ADCY2: variants seen among roughly 807,000 people sequenced by gnomAD.
The protein encoded by ADCY2 is adenylate cyclase type 2.
A neutral mutation model predicts 125.2 loss-of-function variants in ADCY2; 31 were observed. The ratio of observed to expected loss-of-function variants is 0.25; its 90% confidence interval spans 0.19 to 0.33. The LOEUF (loss-of-function observed/expected upper bound fraction) is 0.33. Ranked by LOEUF, ADCY2 falls within the 10% of genes least tolerant of loss-of-function variation. The pLI is 1.00. For missense variants in ADCY2, 904 were observed against 1,418.2 expected, an observed-to-expected ratio of 0.64 and a Z score of 5.82; for synonymous variants, 512 against 548.4, an observed-to-expected ratio of 0.93 and a Z score of 0.93.
chr5:7,609,827 T>C (rs1376857590), intron 3 of ADCY2, among the ~76,000 whole-genome samples: 1 of 152,010 alleles, frequency 6.6e-6, no homozygotes, highest in Non-Finnish European at 1.5e-5. Context: ...CAGGAAGGCA[T>C]TAAGAGAGTG....
At chr5:7,666,645 T>A (rs1739766839) in intron 4 of ADCY2, among the ~76,000 whole-genome samples, 2 of 152,202 alleles carry the variant, frequency 1.3e-5, no homozygotes, top group Admixed American at 1.3e-4. Flanking sequence ...CAGCTGTGTA[T>A]AATGTCTGCA....
At chr5:7,643,324 G>C (rs551339677) in intron 4 of ADCY2, among the ~76,000 whole-genome samples, 1 of 151,934 alleles carries the variant, frequency 6.6e-6, no homozygotes, top group Non-Finnish European at 1.5e-5. Context: ...CTGTTGGGAC[G>C]TACATTTATC....
intron 4 of ADCY2, among the ~76,000 whole-genome samples, chr5:7,682,319 A>G (rs1465280254): frequency 6.6e-6 from 1 of 152,172 alleles, no homozygotes; most frequent in African/African-American, 2.4e-5. Flanking sequence ...CCGTTTTTTC[A>G]GTCAACAACC....
At chr5:7,461,773 G>A (rs1741926216) in intron 2 of ADCY2, among the ~76,000 whole-genome samples, 1 of 152,164 alleles carries the variant, frequency 6.6e-6, no homozygotes, top group African/African-American at 2.4e-5. Context: ...GATGAATGCT[G>A]GTTACACTGT....
chr5:7,431,998 C>A (rs1288454178), intron 2 of ADCY2, among the ~76,000 whole-genome samples: 1 of 151,990 alleles, frequency 6.6e-6, no homozygotes, highest in African/African-American at 2.4e-5. Context: ...CCACCCCTAT[C>A]CTGTGCCCCT....
At chr5:7,630,708 C>G (rs577844839) in intron 4 of ADCY2, among the ~76,000 whole-genome samples, 2 of 151,976 alleles carry the variant, frequency 1.3e-5, no homozygotes, top group African/African-American at 4.8e-5. Flanking sequence ...TCTTTGGCTC[C>G]TAGATCCTAG....
At chr5:7,806,508 G>C (rs139794648) in intron 22 of ADCY2, among the ~76,000 whole-genome samples, 3 of 152,206 alleles carry the variant, frequency 2.0e-5, no homozygotes, top group African/African-American at 7.2e-5. Flanking sequence ...GGAAATTCAG[G>C]ACTGAGGTGC....
At chr5:7,600,433 G>T (rs536165943) in intron 3 of ADCY2, among the ~76,000 whole-genome samples, 11 of 152,320 alleles carry the variant, frequency 7.2e-5, no homozygotes, top group Non-Finnish European at 1.5e-4. Flanking sequence ...CTAAAGGATG[G>T]CCTCAGTCTT....
intron 4 of ADCY2, among the ~76,000 whole-genome samples, chr5:7,661,375 CA>C (rs1340595530): frequency 6.6e-6 from 1 of 151,870 alleles, no homozygotes; most frequent in Non-Finnish European, 1.5e-5. Flanking sequence ...GCATACTTGG[CA>C]AAAGCGAAAA....
intron 3 of ADCY2, among the ~76,000 whole-genome samples, chr5:7,625,233 A>T (rs561166977): frequency 2.6e-5 from 4 of 152,364 alleles, no homozygotes; most frequent in African/African-American, 9.6e-5. Context: ...CAGTCACAGA[A>T]CTGAATATTA....
At chr5:7,524,427 A>G (rs1734373449) in intron 3 of ADCY2, among the ~76,000 whole-genome samples, 1 of 152,080 alleles carries the variant, frequency 6.6e-6, no homozygotes, top group Admixed American at 6.5e-5. Context: ...ACATTGCTCT[A>G]TGACTGCTAT....
At chr5:7,495,465 T>C (rs1743312021) in intron 2 of ADCY2, among the ~76,000 whole-genome samples, 1 of 152,244 alleles carries the variant, frequency 6.6e-6, no homozygotes, top group Non-Finnish European at 1.5e-5. Context: ...TGCAGAAGAA[T>C]AGCAGACCTT....
At chr5:7,586,385 G>C (rs959492372) in intron 3 of ADCY2, among the ~76,000 whole-genome samples, 2 of 152,104 alleles carry the variant, frequency 1.3e-5, no homozygotes, top group African/African-American at 4.8e-5. Context: ...CACATTAACA[G>C]GCCTGTCCTT....
chr5:7,479,917 G>A (rs1330617923), intron 2 of ADCY2, among the ~76,000 whole-genome samples: 1 of 151,710 alleles, frequency 6.6e-6, no homozygotes, highest in Non-Finnish European at 1.5e-5. Flanking sequence ...AAATTTACTA[G>A]AAAAAACAAA....
intron 7 of ADCY2, among the ~76,000 whole-genome samples, chr5:7,701,182 A>G (rs1404180778): frequency 6.6e-6 from 1 of 151,922 alleles, no homozygotes; most frequent in East Asian, 1.9e-4. Context: ...GTACTATTGG[A>G]GGGAGGTATT....
chr5:7,778,213 A>G (rs1307482575), intron 18 of ADCY2, among the ~76,000 whole-genome samples: 1 of 152,210 alleles, frequency 6.6e-6, no homozygotes, highest in Non-Finnish European at 1.5e-5. Context: ...CCATGACAAA[A>G]ACTTGCTACT....
At chr5:7,638,725 G>A (rs1738590023) in intron 4 of ADCY2, among the ~76,000 whole-genome samples, 1 of 152,122 alleles carries the variant, frequency 6.6e-6, no homozygotes. Flanking sequence ...CATTTCCTAG[G>A]GTCGTCATCT....
chr5:7,454,824 A>G (rs1041176661), intron 2 of ADCY2, among the ~76,000 whole-genome samples: 4 of 152,258 alleles, frequency 2.6e-5, no homozygotes, highest in East Asian at 1.9e-4. Context: ...TAAAATTCTT[A>G]GTAAATGTTA....
At chr5:7,397,649 CAGA>C (rs1431920353) in intron 1 of ADCY2, among the ~76,000 whole-genome samples, 5 of 151,928 alleles carry the variant, frequency 3.3e-5, no homozygotes, top group African/African-American at 1.2e-4. Flanking sequence ...TGTCCGGAGC[CAGA>C]TGGTGTTCAA....
Sources: gnomAD v4.1 joint callset for allele counts (sites outside exome capture counted in the v4.1 genomes callset) on GRCh38, gnomAD v4.1.1 for gene constraint, MANE v1.5 for transcripts, NCBI Gene and HGNC (gene_info 2026-07-23, HGNC 2026-07-21) for gene names.